ORC1: variants seen among roughly 807,000 people sequenced by gnomAD.
ORC1 encodes the protein origin recognition complex, subunit 1 homolog.
A neutral mutation model predicts 98.9 loss-of-function variants in ORC1; 61 were observed. The observed-to-expected ratio is 0.62, with a 90% CI of 0.50 to 0.76. The LOEUF (loss-of-function observed/expected upper bound fraction) is 0.76, where lower values mean the gene tolerates loss of function less well. Among genes scored for constraint, ORC1 ranks in the 30% least tolerant of loss-of-function variants. ORC1 has a pLI of 0.00. For synonymous variants in ORC1, 385 were observed against 406.9 expected, an observed-to-expected ratio of 0.95 and a Z score of 0.65; for missense variants, 979 against 1,072.2, an observed-to-expected ratio of 0.91 and a Z score of 1.21.
At chr1:52,391,292 G>A (rs1195319533) in intron 6 of ORC1, among the ~76,000 whole-genome samples, 4 of 135,376 alleles carry the variant, frequency 3.0e-5, no homozygotes, top group Non-Finnish European at 4.6e-5. Context: ...CTGGGCGTCA[G>A]ACAGAGTGAG....
intron 6 of ORC1, among the ~76,000 whole-genome samples, chr1:52,390,204 T>G (rs1647190775): frequency 6.6e-6 from 1 of 152,038 alleles, no homozygotes; most frequent in Non-Finnish European, 1.5e-5. Context: ...AATACTAAAA[T>G]TCATATGGAC....
intron 2 of ORC1, 63 bp downstream of exon 2, chr1:52,402,066 C>T: frequency 1.7e-6 from 2 of 1,164,478 alleles, no homozygotes; most frequent in South Asian, 2.5e-5. Context: ...AGGCTAGATA[C>T]AAGTTGACTG....
At chr1:52,408,538 G>T (rs762468304), upstream of ORC1, 1 of 1,613,706 alleles carries the variant, frequency 6.2e-7, no homozygotes, top group Non-Finnish European at 8.5e-7. Flanking sequence ...TTCTAGGATG[G>T]CCTGTTGTTT....
At position 52,388,709 on chromosome 1, in the gene ORC1, G is replaced by A. The variant is rs1312265053; in HGVS notation, c.1188-72C>T. ...ATAAGAAGAACTCTATAACATTAGT[G>A]TGGATTACAAGTATTGCAGGGTCCC... On this transcript the variant is annotated intron_variant, in intron 7 of 16. Transcript: ENST00000371568. 12 of 1,368,346 alleles carry A rather than the reference G, an allele frequency of 8.8e-6. No homozygotes were observed. In the Admixed American group the frequency reaches 1.3e-4, roughly 15 times the overall value. The allele number at this position is 1,368,346 out of a possible 1,614,324, so 84.8% of individuals were successfully genotyped here.
intron 6 of ORC1, among the ~76,000 whole-genome samples, chr1:52,389,645 A>T (rs1337995550): frequency 6.6e-6 from 1 of 152,188 alleles, no homozygotes; most frequent in Non-Finnish European, 1.5e-5. Context: ...GCATGAATTT[A>T]TTATCCACAC....
chr1:52,373,454 G>T, intron 16 of ORC1, 79 bp from the exon 17 acceptor site: 1 of 1,287,446 alleles, frequency 7.8e-7, no homozygotes, highest in East Asian at 2.4e-5. Context: ...TCTTCATTTG[G>T]GAAAATCAGA....
intron 14 of ORC1, among the ~76,000 whole-genome samples, chr1:52,379,383 A>G (rs549857881): frequency 1.3e-5 from 2 of 151,622 alleles, no homozygotes; most frequent in Admixed American, 1.3e-4. Flanking sequence ...AGCTGGGAAT[A>G]CAGGCTCGTG....
At position 52,389,298 on chromosome 1, in the gene ORC1, T is replaced by A; in HGVS notation, c.1106A>T (p.Gln369Leu). 6.2e-7 allele frequency: 1 copy of A among 1,614,208 alleles called. No homozygotes were observed. The highest frequency in any genetic ancestry group is 8.5e-7 in the Non-Finnish European group (1 of 1,180,012). Residue 369 changes from glutamine to leucine, a missense_variant, in exon 7 of 17, where the codon CAG (glutamine) becomes CTG (leucine). Transcript: ENST00000371568. ...KKRDAKEAKA[Q>L]NEATSTPHRI... ...ATGGGGAGTAGAGGTCGCTTCATTC[T>A]GGGCTTTTGCTTCTTTTGCATCCCT...
chr1:52,401,351 C>T lies in ORC1; in HGVS notation c.223+11G>A. On this transcript the variant is annotated intron_variant, in intron 3 of 16. Transcript: ENST00000371568. Reference sequence around the variant, plus strand: ...ACAAGGAATGGTTTATTATTCCAGTCCCAAACTCACCATCTTCGAACAACT... The same window carrying T: ...ACAAGGAATGGTTTATTATTCCAGTTCCAAACTCACCATCTTCGAACAACT... 6.2e-7 allele frequency: 1 copy of T among 1,614,016 alleles called. No individual in the cohort carries two copies. The highest frequency in any genetic ancestry group is 8.5e-7 in the Non-Finnish European group (1 of 1,179,972).
At chr1:52,407,121 C>A (rs568127704), upstream of ORC1, among the ~76,000 whole-genome samples, 1 of 152,262 alleles carries the variant, frequency 6.6e-6, no homozygotes, top group Non-Finnish European at 1.5e-5. Flanking sequence ...GGGTTCATGC[C>A]ATTCTCCTGC....
chr1:52,396,977 G>A (rs1189306265), intron 4 of ORC1, among the ~76,000 whole-genome samples: 3 of 152,134 alleles, frequency 2.0e-5, no homozygotes, highest in Non-Finnish European at 2.9e-5. Context: ...CTGTGCTCCT[G>A]CCCAGATGCT....
upstream of ORC1, chr1:52,404,557 C>T (rs1004375895): frequency 1.8e-6 from 1 of 545,100 alleles, no homozygotes; most frequent in African/African-American, 1.9e-5. Flanking sequence ...AACATGCAGC[C>T]GCCATCATTG....
At chr1:52,401,626 C>T (rs1311241225) in intron 2 of ORC1, 137 bp from the exon 3 acceptor site, 8 of 1,020,584 alleles carry the variant, frequency 7.8e-6, no homozygotes, top group East Asian at 2.5e-5. Flanking sequence ...GAAACCAATT[C>T]GCCCAGTTAT....
intron 2 of ORC1, 83 bp from the exon 3 acceptor site, chr1:52,401,572 C>T (rs1647710220): frequency 4.7e-6 from 7 of 1,484,760 alleles, no homozygotes; most frequent in South Asian, 1.1e-5. Flanking sequence ...AAGGAGAGGG[C>T]TCTCCAATCC....
intron 6 of ORC1, 132 bp from the exon 7 acceptor site, chr1:52,389,453 T>A (rs146807292): frequency 8.8e-5 from 61 of 694,168 alleles, no homozygotes; most frequent in African/African-American, 6.6e-4. Context: ...AGTAAAACTT[T>A]CTTTCTGCTA....
intron 8 of ORC1, among the ~76,000 whole-genome samples, chr1:52,386,378 C>A (rs1647143320): frequency 6.6e-6 from 1 of 152,200 alleles, no homozygotes; most frequent in Admixed American, 6.5e-5. Context: ...GGCCAAGCAT[C>A]AGCCCAGGAC....
rs1460091603 is a variant in ORC1, at chr1:52,393,671, G to T, written c.854C>A (p.Thr285Asn). 4.3e-6 allele frequency: 7 copies of T among 1,613,988 alleles called. No individual in the cohort carries two copies. The highest frequency in any genetic ancestry group is 5.9e-6 in the Non-Finnish European group (7 of 1,180,014). The change falls in exon 6 of 17, where the codon ACC becomes AAC. Residue 285 changes from threonine (T) to asparagine (N), a missense_variant. Coordinates refer to ENST00000371568, the MANE Select transcript of ORC1 (RefSeq NM_004153.4). ...SKRSQPDKLQ[T>N]LSPALKAPEK... Reference sequence around the variant, plus strand: ...TGGGGCTTTCAGAGCTGGAGACAAGGTTTGAAGTTTATCAGGCTGAGATCT... The same window carrying T: ...TGGGGCTTTCAGAGCTGGAGACAAGTTTTGAAGTTTATCAGGCTGAGATCT...
chr1:52,383,328 C>T (rs949855983), intron 13 of ORC1, 92 bp downstream of exon 13: 63 of 1,477,414 alleles, frequency 4.3e-5, no homozygotes, highest in Non-Finnish European at 5.1e-5. Context: ...GGTTTACAGG[C>T]GTGAGCCACC....
intron 5 of ORC1, 138 bp downstream of exon 5, chr1:52,395,908 T>C (rs1569947918): frequency 2.1e-6 from 3 of 1,430,736 alleles, no homozygotes; most frequent in East Asian, 2.5e-5. Context: ...GGCAGAAGGA[T>C]TGCTTGAGCA....
Sources: gnomAD v4.1 joint callset for allele counts (sites outside exome capture counted in the v4.1 genomes callset) on GRCh38, gnomAD v4.1.1 for gene constraint, MANE v1.5 for transcripts, NCBI Gene and HGNC (gene_info 2026-07-23, HGNC 2026-07-21) for gene names.